SPART: variants seen among roughly 807,000 people sequenced by gnomAD.
SPART encodes spartin, also known as spastic paraplegia 20 (Troyer syndrome).
Under a neutral mutation model 58.7 loss-of-function variants are expected in SPART, and 35 were observed. That is an observed-to-expected ratio of 0.60 (90% CI 0.46 to 0.79). The LOEUF (loss-of-function observed/expected upper bound fraction) is 0.79, where lower values mean the gene tolerates loss of function less well. SPART is among the 30% of genes least tolerant of loss of function. The probability of loss-of-function intolerance (pLI) is 0.00; values close to 1 mark genes in which losing one functional copy is unlikely to be tolerated. For missense variants in SPART, 730 were observed against 786.1 expected (o/e 0.93, Z 0.85); for synonymous variants, 284 against 280.7 (o/e 1.01, Z -0.12).
chr13:36,314,163 C>A, intron 6 of SPART, 64 bp downstream of exon 6: 2 of 1,466,342 alleles, frequency 1.4e-6, no homozygotes, highest in Non-Finnish European at 1.9e-6. Context: ...TGCAGATTAA[C>A]CCTGGATTAA....
chr13:36,320,517 C>A (rs1200407381), intron 5 of SPART, among the ~76,000 whole-genome samples: 3 of 152,238 alleles, frequency 2.0e-5, no homozygotes, highest in Non-Finnish European at 4.4e-5. Context: ...CTTAGAACCT[C>A]TCATTTCCTT....
intron 1 of SPART, chr13:36,369,616 C>T (rs1031976204): frequency 6.6e-6 from 1 of 152,172 alleles, no homozygotes; most frequent in African/African-American, 2.4e-5. Context: ...CCATCCTCTA[C>T]TTTAGGGTGA....
At chr13:36,324,905 GC>G (rs1882764860) in intron 5 of SPART, among the ~76,000 whole-genome samples, 2 of 152,152 alleles carry the variant, frequency 1.3e-5, no homozygotes, top group Non-Finnish European at 2.9e-5. Flanking sequence ...CAGTGGGGGA[GC>G]TTTTTGAGCC....
chr13:36,314,214 A>G lies in SPART; in HGVS notation c.1483+13T>C, dbSNP rs1243126641. 3 of 1,611,222 alleles carry G rather than the reference A, an allele frequency of 1.9e-6. No individual in the cohort carries two copies. The highest frequency in any genetic ancestry group is 2.5e-6 in the Non-Finnish European group (3 of 1,177,782). On this transcript the variant is annotated intron_variant, in intron 6 of 8. Transcript: ENST00000438666. ...ATAACTTTAAAAAGTAAAGTTATCT[A>G]GAATTACTTTACCCAGGAACTGACT...
chr13:36,320,971 T>C (rs572465193), intron 5 of SPART, among the ~76,000 whole-genome samples: 1 of 152,290 alleles, frequency 6.6e-6, no homozygotes, highest in Non-Finnish European at 1.5e-5. Context: ...AAAGGTCTTT[T>C]AAAAACACAC....
chr13:36,331,362 A>C, intron 3 of SPART, 37 bp downstream of exon 3: 1 of 1,577,840 alleles, frequency 6.3e-7, no homozygotes, highest in Non-Finnish European at 8.7e-7. Context: ...ATGTTAAAGT[A>C]GATTTTTTTC....
chr13:36,343,598 C>A (rs1755060622), intron 1 of SPART, among the ~76,000 whole-genome samples: 1 of 152,132 alleles, frequency 6.6e-6, no homozygotes, highest in South Asian at 2.1e-4. Flanking sequence ...TGGGGGTTCA[C>A]AAGCAAATTA....
chr13:36,314,835 A>G (rs1881514005), intron 5 of SPART, among the ~76,000 whole-genome samples: 1 of 152,308 alleles, frequency 6.6e-6, no homozygotes, highest in South Asian at 2.1e-4. Context: ...TCTTTTCCCC[A>G]TGAAATCTTG....
Position 36,328,611 on chromosome 13 carries a change from T to C in SPART, c.1164+751A>G, listed in dbSNP as rs189766521. Among the ~76,000 whole-genome samples, 3 of 152,288 alleles carry C rather than the reference T, an allele frequency of 2.0e-5. No individual in the cohort carries two copies. The East Asian group carries it at 5.8e-4, about 29-fold the overall frequency. Reference sequence around the variant, plus strand: ...TCTTTCCATTAGACAGTAAATTCATTGAGACAAGAAATTTAAACTTTTTCC... The same window carrying C: ...TCTTTCCATTAGACAGTAAATTCATCGAGACAAGAAATTTAAACTTTTTCC... On this transcript the variant is annotated intron_variant, in intron 4 of 8. Transcript: ENST00000438666.
At chr13:36,324,092 G>A (rs897578906) in intron 5 of SPART, among the ~76,000 whole-genome samples, 2 of 152,168 alleles carry the variant, frequency 1.3e-5, no homozygotes, top group Admixed American at 1.3e-4. Flanking sequence ...TTCTGAAGAT[G>A]ACCACAAACA....
chr13:36,357,375 G>A (rs1157115868), intron 1 of SPART, among the ~76,000 whole-genome samples: 1 of 152,182 alleles, frequency 6.6e-6, no homozygotes, highest in Non-Finnish European at 1.5e-5. Flanking sequence ...GTACAGAGGC[G>A]AGTTGTTGGA....
chr13:36,344,931 T>G (rs1245195290), intron 1 of SPART, among the ~76,000 whole-genome samples: 1 of 152,238 alleles, frequency 6.6e-6, no homozygotes, highest in Non-Finnish European at 1.5e-5. Flanking sequence ...ACACATTTAT[T>G]TCAACATAAC....
chr13:36,336,946 T>A (rs988365500), intron 1 of SPART, among the ~76,000 whole-genome samples: 2 of 152,146 alleles, frequency 1.3e-5, no homozygotes, highest in Non-Finnish European at 2.9e-5. Context: ...ATGAATTAAA[T>A]GGGAAAAACT....
intron 1 of SPART, among the ~76,000 whole-genome samples, chr13:36,337,407 G>A (rs957582989): frequency 3.3e-5 from 5 of 152,174 alleles, no homozygotes; most frequent in Non-Finnish European, 5.9e-5. Flanking sequence ...CAGGTGTCAA[G>A]AGAGGGACCC....
intron 7 of SPART, 34 bp from the exon 8 acceptor site, chr13:36,312,269 A>C (rs1018873135): frequency 5.0e-6 from 8 of 1,613,664 alleles, no homozygotes; most frequent in Admixed American, 1.7e-5. Context: ...ATGTAAATCT[A>C]GTCCAAAGCA....
At chr13:36,309,632 A>G (rs765353261) in intron 8 of SPART, among the ~76,000 whole-genome samples, 10 of 152,222 alleles carry the variant, frequency 6.6e-5, no homozygotes, top group Non-Finnish European at 1.3e-4. Flanking sequence ...TTAATGCAGG[A>G]ACAGAAAACC....
intron 1 of SPART, among the ~76,000 whole-genome samples, chr13:36,345,789 A>C (rs1387501913): frequency 6.6e-6 from 1 of 152,204 alleles, no homozygotes; most frequent in African/African-American, 2.4e-5. Context: ...TTGCAGAGAA[A>C]GGCTGCCCAA....
chr13:36,344,634 G>C (rs546223830), intron 1 of SPART, among the ~76,000 whole-genome samples: 1 of 152,142 alleles, frequency 6.6e-6, no homozygotes, highest in African/African-American at 2.4e-5. Flanking sequence ...AGCGGTCTCA[G>C]AAAATACATT....
chr13:36,316,938 C>G (rs1593232281), intron 5 of SPART, among the ~76,000 whole-genome samples: 1 of 152,200 alleles, frequency 6.6e-6, no homozygotes. Flanking sequence ...TTTTTACTCT[C>G]TTCTCCAACC....
Sources: allele counts gnomAD v4.1 joint callset (sites outside exome capture counted in the v4.1 genomes callset), GRCh38; gene constraint gnomAD v4.1.1; transcripts MANE v1.5; gene names NCBI Gene and HGNC (gene_info 2026-07-23, HGNC 2026-07-21).